EPB41L4B: variants seen among roughly 807,000 people sequenced by gnomAD.
EPB41L4B encodes the protein band 4.1-like protein 4B.
In EPB41L4B, 30 loss-of-function variants were observed where a neutral mutation model predicts 112.5. The observed-to-expected ratio is 0.27, with a 90% CI of 0.20 to 0.36. EPB41L4B has a LOEUF of 0.36. Among genes scored for constraint, EPB41L4B ranks in the 10% least tolerant of loss-of-function variants. The probability of loss-of-function intolerance (pLI) is 1.00; values close to 1 mark genes in which losing one functional copy is unlikely to be tolerated. For synonymous variants in EPB41L4B, 408 were observed against 439.7 expected (o/e 0.93, Z 0.90); for missense variants, 1,024 against 1,133.3 (o/e 0.90, Z 1.38).
chr9:109,180,020 C>T (rs1831995789), intron 24 of EPB41L4B, among the ~76,000 whole-genome samples: 1 of 152,138 alleles, frequency 6.6e-6, no homozygotes. Flanking sequence ...GATCAGAATC[C>T]CTACTGTGGC....
In EPB41L4B at chr9:109,245,878, A is replaced by G. The variant is rs548953791; in HGVS notation, c.1344+1878T>C. On this transcript the variant is annotated intron_variant, in intron 14 of 25. Transcript: ENST00000374566. ...CGATAACAATGCCTAGATGAGTTTC[A>G]GTAGATCTGATTTCAACAATCGCCT... is the stretch of plus-strand genomic sequence containing the variant. 7.2e-5 allele frequency among the ~76,000 whole-genome samples: 11 copies of G among 152,374 alleles called. 1 individual carries two copies. Among genetic ancestry groups the G allele is most frequent in the African/African-American group, 2.2e-4 (9 of 41,586 alleles).
At chr9:109,209,745 C>T (rs1312238101) in intron 17 of EPB41L4B, among the ~76,000 whole-genome samples, 1 of 152,134 alleles carries the variant, frequency 6.6e-6, no homozygotes, top group African/African-American at 2.4e-5. Context: ...CTATGCATTT[C>T]ATACGCATGT....
chr9:109,272,423 C>T (rs1156379715), intron 2 of EPB41L4B, among the ~76,000 whole-genome samples: 1 of 152,172 alleles, frequency 6.6e-6, no homozygotes, highest in Non-Finnish European at 1.5e-5. Context: ...GATCACACTA[C>T]TGCACTCCAG....
At chr9:109,176,364 C>T (rs1831838701) in intron 25 of EPB41L4B, among the ~76,000 whole-genome samples, 187 bp downstream of exon 25, 1 of 152,190 alleles carries the variant, frequency 6.6e-6, no homozygotes, top group African/African-American at 2.4e-5. Flanking sequence ...AGGGATCCTC[C>T]CTTGTGCTGG....
chr9:109,317,207 C>T (rs1251427168), intron 1 of EPB41L4B, among the ~76,000 whole-genome samples: 3 of 152,210 alleles, frequency 2.0e-5, no homozygotes, highest in African/African-American at 7.2e-5. Context: ...ATTGCAGCTA[C>T]TTTTCTCTTT....
At chr9:109,208,522 T>C (rs1833057593) in intron 17 of EPB41L4B, among the ~76,000 whole-genome samples, 1 of 152,212 alleles carries the variant, frequency 6.6e-6, no homozygotes, top group African/African-American at 2.4e-5. Flanking sequence ...AAATTTATAT[T>C]TGTTAGCTTA....
At chr9:109,262,988 T>G (rs1835272254) in intron 6 of EPB41L4B, 62 bp downstream of exon 6, 1 of 1,154,794 alleles carries the variant, frequency 8.7e-7, no homozygotes, top group East Asian at 2.5e-5. Context: ...CTGTGGACAC[T>G]CATTTGTTGA....
chr9:109,316,403 T>C (rs1837636099), intron 1 of EPB41L4B, among the ~76,000 whole-genome samples: 1 of 152,206 alleles, frequency 6.6e-6, no homozygotes, highest in Admixed American at 6.5e-5. Flanking sequence ...GCAAAAGCGA[T>C]GCCAGGGATT....
At chr9:109,287,903 G>T (rs1836360084) in intron 1 of EPB41L4B, among the ~76,000 whole-genome samples, 1 of 152,164 alleles carries the variant, frequency 6.6e-6, no homozygotes, top group South Asian at 2.1e-4. Flanking sequence ...ATCCTGGCTG[G>T]CAAGTCTTTC....
chr9:109,261,123 G>A (rs1835186407), intron 6 of EPB41L4B, among the ~76,000 whole-genome samples: 1 of 152,212 alleles, frequency 6.6e-6, no homozygotes, highest in African/African-American at 2.4e-5. Flanking sequence ...GTGAGTGGCC[G>A]GAGTGCGGAG....
chr9:109,313,235 C>T (rs753332802), intron 1 of EPB41L4B, among the ~76,000 whole-genome samples: 3 of 152,242 alleles, frequency 2.0e-5, no homozygotes, highest in Non-Finnish European at 2.9e-5. Context: ...ACCCCTCCCC[C>T]ATGCTTAATG....
At chr9:109,182,170 C>G (rs566841613) in intron 24 of EPB41L4B, among the ~76,000 whole-genome samples, 71 of 152,346 alleles carry the variant, frequency 4.7e-4, no homozygotes, top group African/African-American at 1.6e-3. Flanking sequence ...GATCGTGCCA[C>G]TGCACTCCAG....
intron 15 of EPB41L4B, among the ~76,000 whole-genome samples, chr9:109,236,675 T>C (rs545695567): frequency 2.0e-5 from 3 of 152,366 alleles, no homozygotes; most frequent in African/African-American, 7.2e-5. Flanking sequence ...AGTGGGCCTA[T>C]TTGCAGAACT....
chr9:109,200,898 C>T (rs1050283899), intron 19 of EPB41L4B, among the ~76,000 whole-genome samples: 2 of 152,016 alleles, frequency 1.3e-5, no homozygotes, highest in African/African-American at 2.4e-5. Context: ...AAAAATTAAG[C>T]GTCACTTTTA....
chr9:109,213,988 T>A (rs980059527), intron 16 of EPB41L4B, among the ~76,000 whole-genome samples, 170 bp from the exon 17 acceptor site: 10 of 152,186 alleles, frequency 6.6e-5, no homozygotes, highest in Non-Finnish European at 1.0e-4. Flanking sequence ...TGAGAATATC[T>A]GAGGTCAAGG....
intron 13 of EPB41L4B, among the ~76,000 whole-genome samples, chr9:109,249,727 C>T (rs752622092): frequency 3.3e-5 from 5 of 152,064 alleles, no homozygotes; most frequent in Admixed American, 2.0e-4. Context: ...ATACTATCTG[C>T]CAGAAGGATC....
intron 1 of EPB41L4B, among the ~76,000 whole-genome samples, chr9:109,297,779 C>G (rs537143215): frequency 6.6e-6 from 1 of 152,244 alleles, no homozygotes; most frequent in Non-Finnish European, 1.5e-5. Context: ...TCTTGAACCC[C>G]AAGCTCCTTG....
At chr9:109,241,933 G>C in intron 15 of EPB41L4B, 1 of 898,466 alleles carries the variant, frequency 1.1e-6, no homozygotes, top group Admixed American at 2.3e-5. Flanking sequence ...AATGGGGATG[G>C]CTATGAATGG....
chr9:109,228,222 A>T lies in EPB41L4B; in HGVS notation c.1410-11077T>A, dbSNP rs187841927. Among the ~76,000 whole-genome samples the T allele has an allele frequency of 9.8e-5, 15 of 152,338 alleles. No individual in the cohort carries two copies. The East Asian group carries it at 2.7e-3, about 27-fold the overall frequency. On this transcript the variant is annotated intron_variant, in intron 15 of 25. Transcript: ENST00000374566. ...AGTTCTTCCACTCTTAGCTTACTAA[A>T]AATCTTGAAAGATTAGCATGACTTA... is the stretch of plus-strand genomic sequence containing the variant.
Sources: allele counts gnomAD v4.1 joint callset (sites outside exome capture counted in the v4.1 genomes callset), GRCh38; gene constraint gnomAD v4.1.1; transcripts MANE v1.5; gene names NCBI Gene and HGNC (gene_info 2026-07-23, HGNC 2026-07-21).